MYO18A: variants seen among roughly 807,000 people sequenced by gnomAD.
MYO18A encodes the protein unconventional myosin-XVIIIa.
In MYO18A, 78 loss-of-function variants were observed where a neutral mutation model predicts 235.8. The ratio of observed to expected loss-of-function variants is 0.33; its 90% CI spans 0.28 to 0.40. The LOEUF is 0.40. Ranked by LOEUF, MYO18A falls within the 10% of genes least tolerant of loss-of-function variation. The pLI is 1.00. For synonymous variants in MYO18A, 977 were observed against 1,077.8 expected, an observed-to-expected ratio of 0.91 and a Z score of 1.83; for missense variants, 2,215 against 2,699.3, an observed-to-expected ratio of 0.82 and a Z score of 3.98.
Position 29,132,339 on chromosome 17 carries a change from TAA to T in MYO18A, c.1000-10088_1000-10087del, listed in dbSNP as rs954669677. Among the ~76,000 whole-genome samples the T allele has an allele frequency of 8.8e-4, 134 of 152,344 alleles. 1 individual carries two copies. The highest frequency in any genetic ancestry group is 2.9e-3 in the African/African-American group (122 of 41,584). ...TTCAGAGAGGCCAGGCCTCAAGTTTTAAAAAGTCTTCTCCTTTCCCCTCACCA... is the reference window on the plus strand; with the variant it reads ...TTCAGAGAGGCCAGGCCTCAAGTTTTAAAGTCTTCTCCTTTCCCCTCACCA... On this transcript the variant is annotated intron_variant, in intron 2 of 41. Transcript: ENST00000527372.
chr17:29,104,908 C>T (rs928253296), intron 20 of MYO18A, among the ~76,000 whole-genome samples: 4 of 152,098 alleles, frequency 2.6e-5, no homozygotes, highest in East Asian at 1.9e-4. Flanking sequence ...GGGCCAGGCG[C>T]GGTGGCTCAC....
chr17:29,084,261 G>A (rs1315410544), intron 40 of MYO18A, among the ~76,000 whole-genome samples: 6 of 152,156 alleles, frequency 3.9e-5, no homozygotes, highest in Admixed American at 1.3e-4. Context: ...TCTTAAATGC[G>A]CATTTTATCA....
chr17:29,140,493 T>C lies in MYO18A; in HGVS notation c.1000-18240A>G. The C allele has an allele frequency of 9.0e-7, 1 of 1,107,292 alleles. No individual in the cohort carries two copies. The highest frequency in any genetic ancestry group is 1.6e-5 in the South Asian group (1 of 62,388). The allele number at this position is 1,107,292 out of a possible 1,614,324, so 68.6% of individuals were successfully genotyped here. ...CCGTCCCGAGCTGCCCAGCCCTAGTTGGAGCCAGCAGCCCGGAGGACTTCG... is the reference window on the plus strand; with the variant it reads ...CCGTCCCGAGCTGCCCAGCCCTAGTCGGAGCCAGCAGCCCGGAGGACTTCG... On this transcript the variant is annotated intron_variant, in intron 2 of 41. Coordinates refer to ENST00000527372, the MANE Select transcript of MYO18A (RefSeq NM_078471.4). This position sits in a 1 kb window ranked among gnomAD's most constrained non-coding sequence, Gnocchi z 4.2.
At chr17:29,134,137 T>C (rs1158432924) in intron 2 of MYO18A, among the ~76,000 whole-genome samples, 1 of 152,248 alleles carries the variant, frequency 6.6e-6, no homozygotes, top group Non-Finnish European at 1.5e-5. Flanking sequence ...AGTCTCACTC[T>C]GTAGGCCAGG....
At chr17:29,084,800 TA>T (rs879802427) in intron 40 of MYO18A, among the ~76,000 whole-genome samples, 17 of 148,474 alleles carry the variant, frequency 1.1e-4, no homozygotes, top group South Asian at 2.2e-4. Context: ...AATGCCATGC[TA>T]AAAAAAAAAG....
At chr17:29,134,438 T>C (rs2067546259) in intron 2 of MYO18A, among the ~76,000 whole-genome samples, 1 of 152,172 alleles carries the variant, frequency 6.6e-6, no homozygotes, top group Non-Finnish European at 1.5e-5. Context: ...TCTGTAGAAT[T>C]AGGGGCTAGT....
chr17:29,080,743 C>G, intron 41 of MYO18A: 1 of 985,612 alleles, frequency 1.0e-6, no homozygotes, highest in Non-Finnish European at 1.2e-6. Flanking sequence ...AGCGCGCCCC[C>G]CGGTCCCCGA....
At chr17:29,154,112 G>A (rs1352599626) in intron 2 of MYO18A, among the ~76,000 whole-genome samples, 3 of 148,206 alleles carry the variant, frequency 2.0e-5, no homozygotes, top group Non-Finnish European at 3.0e-5. Context: ...GTGTGTGTGT[G>A]TGTGTGTGTG....
intron 1 of MYO18A, among the ~76,000 whole-genome samples, chr17:29,175,832 G>A (rs2152992521): frequency 6.6e-6 from 1 of 152,274 alleles, no homozygotes; most frequent in Non-Finnish European, 1.5e-5. Context: ...GGCCGAGGCA[G>A]GTGGATGACG....
chr17:29,080,493 G>T, intron 41 of MYO18A: 2 of 986,172 alleles, frequency 2.0e-6, no homozygotes, highest in Non-Finnish European at 2.4e-6. Context: ...GAGAATCAGG[G>T]CTCTCCCGGC....
rs1035767824 is a variant in MYO18A, at chr17:29,097,273, C to T, written c.4180G>A (p.Glu1394Lys). 7 of 1,611,312 alleles carry T rather than the reference C, an allele frequency of 4.3e-6. No homozygotes were observed. The African/African-American group carries it at 9.3e-5, about 22-fold the overall frequency. Residue 1394 changes from glutamate (E) to lysine (K), a missense_variant, in exon 27 of 42, where the codon GAG becomes AAG. By Grantham distance (56) the Glu-to-Lys change is moderately conservative. Coordinates refer to ENST00000527372, the MANE Select transcript of MYO18A (RefSeq NM_078471.4). ...TGCTGCTCCACCTCCAGCTTGTCCTCAAACTCCTGCTGGAGCCGTTTCTTG... is the reference window on the plus strand; with the variant it reads ...TGCTGCTCCACCTCCAGCTTGTCCTTAAACTCCTGCTGGAGCCGTTTCTTG... ...FTKKRLQQEF[E>K]DKLEVEQQNK...
intron 2 of MYO18A, among the ~76,000 whole-genome samples, chr17:29,148,665 C>T (rs1215599991): frequency 6.6e-6 from 1 of 151,622 alleles, no homozygotes; most frequent in Non-Finnish European, 1.5e-5. Context: ...TAGGAGACAG[C>T]GATTGGTATT....
In MYO18A at chr17:29,109,742, G is replaced by A. The variant is rs373643120; in HGVS notation, c.3331+116C>T. The A allele has an allele frequency of 1.1e-4, 141 of 1,306,108 alleles. No homozygotes were observed. Among genetic ancestry groups the A allele is most frequent in the East Asian group, 9.7e-4 (38 of 39,374 alleles). 80.9% of individuals were successfully genotyped at this position (1,306,108 alleles called of 1,614,324 possible). A position where few individuals can be genotyped will look rare whatever the true frequency, so the allele number is the denominator to read the frequency against. On this transcript the variant is annotated intron_variant, in intron 19 of 41. Transcript: ENST00000527372. This position sits in a 1 kb window ranked among gnomAD's most constrained non-coding sequence, Gnocchi z 4.1. Reference sequence around the variant, plus strand: ...AGGAGAGACCAGAGCAGAAAGGATCGTGAGGAAAGACAGGAGCAGCCCCAC... The same window carrying A: ...AGGAGAGACCAGAGCAGAAAGGATCATGAGGAAAGACAGGAGCAGCCCCAC...
Position 29,111,192 on chromosome 17 carries a change from G to A in MYO18A, c.2900+232C>T, listed in dbSNP as rs950249181. On this transcript the variant is annotated intron_variant, in intron 17 of 41. Transcript: ENST00000527372. This position sits in a 1 kb window ranked among gnomAD's most constrained non-coding sequence, Gnocchi z 5.1. Reference sequence around the variant, plus strand: ...CCGCTCCTGCCTTCTTTGACTTGAGGGTGTTCTTCACATTTAAACCATAGG... The same window carrying A: ...CCGCTCCTGCCTTCTTTGACTTGAGAGTGTTCTTCACATTTAAACCATAGG... Among the ~76,000 whole-genome samples, 1 of 152,112 alleles carries A rather than the reference G, an allele frequency of 6.6e-6. No homozygotes were observed. The highest frequency in any genetic ancestry group is 1.5e-5 in the Non-Finnish European group (1 of 68,022).
At position 29,086,490 on chromosome 17, in the gene MYO18A, C is replaced by T. The variant is rs758538353; in HGVS notation, c.5800G>A (p.Ala1934Thr). The T allele has an allele frequency of 1.9e-6, 3 of 1,610,736 alleles. No individual in the cohort carries two copies. The highest frequency in any genetic ancestry group is 1.1e-5 in the South Asian group (1 of 90,220). The change falls in exon 39 of 42, where the codon GCT (alanine) becomes ACT (threonine). Residue 1934 changes from alanine (A) to threonine (T), a missense_variant. Transcript: ENST00000527372. ...LAFKRIGDLQ[A>T]AIEDEMESDE... ...CTCTCCATCTCATCCTCAATGGCAG[C>T]CTGCAGGTCCCCGATGCGCTTGAAT...
At chr17:29,104,058 C>A (rs1452422174) in intron 20 of MYO18A, among the ~76,000 whole-genome samples, 2 of 152,230 alleles carry the variant, frequency 1.3e-5, no homozygotes, top group Non-Finnish European at 2.9e-5. Flanking sequence ...GCAAAATGCA[C>A]TGAGGAAACT....
chr17:29,120,893 G>T lies in MYO18A; in HGVS notation c.1585+105C>A. 1 of 1,556,642 alleles carries T rather than the reference G, an allele frequency of 6.4e-7. No homozygotes were observed. The highest frequency in any genetic ancestry group is 8.7e-7 in the Non-Finnish European group (1 of 1,144,178). On this transcript the variant is annotated intron_variant, in intron 6 of 41. Transcript: ENST00000527372. This position sits in a 1 kb window ranked among gnomAD's most constrained non-coding sequence, Gnocchi z 4.2. The stretch of plus-strand genomic sequence containing the variant: ...CCCGTGGACAGAGGGGTTTCGGGGG[G>T]ATGGAAAGGCCAGGGAGAAAAAGAG...
At chr17:29,086,857 C>A (rs2066266450) in intron 38 of MYO18A, 79 bp downstream of exon 38, 18 of 1,461,928 alleles carry the variant, frequency 1.2e-5, no homozygotes, top group Non-Finnish European at 1.6e-5. Flanking sequence ...CTATCCTCAA[C>A]CAGGCCAGAG....
chr17:29,160,821 G>A (rs941189195), intron 2 of MYO18A, among the ~76,000 whole-genome samples: 4 of 152,190 alleles, frequency 2.6e-5, no homozygotes, highest in Non-Finnish European at 5.9e-5. Flanking sequence ...GCAGCCTCAC[G>A]GTCCACCAGG....
Sources: gnomAD v4.1 joint callset for allele counts (sites outside exome capture counted in the v4.1 genomes callset) on GRCh38, gnomAD v4.1.1 for gene constraint, Gnocchi (gnomAD v3.1) non-coding constraint, MANE v1.5 for transcripts, NCBI Gene and HGNC (gene_info 2026-07-23, HGNC 2026-07-21) for gene names.